ADGRL3: variants seen among roughly 807,000 people sequenced by gnomAD.
ADGRL3 encodes calcium-independent alpha-latrotoxin receptor 3.
A neutral mutation model predicts 153.5 loss-of-function variants in ADGRL3; 62 were observed. The observed-to-expected ratio is 0.40, with a 90% CI of 0.33 to 0.50. ADGRL3 has a LOEUF of 0.50. Ranked by LOEUF, ADGRL3 falls within the 20% of genes least tolerant of loss-of-function variation. The probability of loss-of-function intolerance (pLI) is 0.47; values close to 1 mark genes in which losing one functional copy is unlikely to be tolerated. For synonymous variants in ADGRL3, 710 were observed against 672.5 expected, an observed-to-expected ratio of 1.06 and a Z score of -0.86; for missense variants, 1,641 against 1,859.4, an observed-to-expected ratio of 0.88 and a Z score of 2.16.
intron 5 of ADGRL3, among the ~76,000 whole-genome samples, chr4:61,602,499 G>A (rs373636849): frequency 1.3e-5 from 2 of 152,210 alleles, no homozygotes; most frequent in Middle Eastern, 3.4e-3. Context: ...ATCCTGTAAC[G>A]TACAGAAAGC....
intron 1 of ADGRL3, among the ~76,000 whole-genome samples, chr4:61,247,483 A>AT (rs1218417202): frequency 6.6e-6 from 1 of 152,040 alleles, no homozygotes; most frequent in Non-Finnish European, 1.5e-5. Flanking sequence ...ATTGGTTGTG[A>AT]TGGTAGTTAG....
At position 61,479,021 on chromosome 4, in the gene ADGRL3, T is replaced by C. The variant is rs532207697; in HGVS notation, c.-173-18100T>C. ...AATTGATAGGCATTAAAGCTATACT[T>C]CAGCTGAACTGACAGGTGAACTGTC... On this transcript the variant is annotated intron_variant, in intron 2 of 26. Coordinates refer to ENST00000683033, the MANE Select transcript of ADGRL3 (RefSeq NM_001387552.1). Among the ~76,000 whole-genome samples the C allele has an allele frequency of 2.4e-4, 37 of 152,196 alleles. No individual in the cohort carries two copies. In the South Asian group the frequency reaches 7.7e-3, roughly 32 times the overall value.
chr4:61,281,696 T>C (rs1382287667), intron 1 of ADGRL3, among the ~76,000 whole-genome samples: 1 of 152,126 alleles, frequency 6.6e-6, no homozygotes, highest in African/African-American at 2.4e-5. Flanking sequence ...ATTTCGTTAT[T>C]AGATCCAGGA....
chr4:61,533,656 T>G (rs888482689), intron 4 of ADGRL3, among the ~76,000 whole-genome samples: 2 of 152,172 alleles, frequency 1.3e-5, no homozygotes, highest in African/African-American at 4.8e-5. Flanking sequence ...GTAAAATGGT[T>G]AGGTTGTCTA....
chr4:61,263,173 C>T (rs1026995307), intron 1 of ADGRL3, among the ~76,000 whole-genome samples: 5 of 151,796 alleles, frequency 3.3e-5, no homozygotes, highest in Admixed American at 6.6e-5. Flanking sequence ...TTCAAATTTA[C>T]GTTTTGCTGT....
chr4:61,723,079 C>T (rs2096268031), intron 6 of ADGRL3, among the ~76,000 whole-genome samples: 1 of 152,132 alleles, frequency 6.6e-6, no homozygotes, highest in African/African-American at 2.4e-5. Flanking sequence ...ACTGTTATGC[C>T]TTGTGTTTCT....
intron 8 of ADGRL3, among the ~76,000 whole-genome samples, chr4:61,782,042 T>C (rs976864108): frequency 6.6e-6 from 1 of 152,208 alleles, no homozygotes; most frequent in African/African-American, 2.4e-5. Flanking sequence ...TTGATCTTTT[T>C]AAATTACAAA....
At chr4:61,529,526 C>A (rs1038263693) in intron 4 of ADGRL3, among the ~76,000 whole-genome samples, 2 of 152,082 alleles carry the variant, frequency 1.3e-5, no homozygotes, top group Non-Finnish European at 2.9e-5. Flanking sequence ...TGGTTATAAT[C>A]CAACATCTGC....
intron 24 of ADGRL3, among the ~76,000 whole-genome samples, chr4:62,042,465 G>A (rs1235321964): frequency 6.6e-6 from 1 of 151,762 alleles, no homozygotes; most frequent in Non-Finnish European, 1.5e-5. Context: ...ACCTGTATCT[G>A]GAGAAGAGCA....
chr4:61,749,882 TAAAAATAAAG>T (rs2096729562), intron 8 of ADGRL3, among the ~76,000 whole-genome samples: 1 of 148,416 alleles, frequency 6.7e-6, no homozygotes, highest in South Asian at 2.1e-4. Flanking sequence ...AAAATAAGAA[TAAAAATAAAG>T]AAAAAGACAA....
intron 1 of ADGRL3, among the ~76,000 whole-genome samples, chr4:61,234,054 A>G (rs1472884614): frequency 2.0e-5 from 3 of 152,126 alleles, no homozygotes; most frequent in East Asian, 1.9e-4. Flanking sequence ...CTACAAGTGG[A>G]TATAGGCTGG....
intron 1 of ADGRL3, among the ~76,000 whole-genome samples, chr4:61,249,919 C>T (rs192429045): frequency 2.0e-5 from 3 of 152,238 alleles, no homozygotes; most frequent in African/African-American, 7.2e-5. Flanking sequence ...ATTCTCATTT[C>T]CCTTACCATT....
Position 62,070,497 on chromosome 4 carries a change from A to T in ADGRL3, c.4221A>T (p.Arg1407Ser). The change falls in exon 27 of 27, where the codon AGA (arginine) becomes AGT (serine). Residue 1407 changes from arginine (R) to serine (S), a missense_variant. Transcript: ENST00000683033. ...EESDAPLLPP[R>S]VYSTENHQPH... ...CTGATGCTCCTTTGCTGCCCCCAAGAGTATACTCCACCGAGAACCACCAGC... is the reference window on the plus strand; with the variant it reads ...CTGATGCTCCTTTGCTGCCCCCAAGTGTATACTCCACCGAGAACCACCAGC... 6.5e-7 allele frequency: 1 copy of T among 1,546,424 alleles called. No individual in the cohort carries two copies. Among genetic ancestry groups the T allele is most frequent in the South Asian group, 1.2e-5 (1 of 83,706 alleles).
At chr4:61,483,369 T>A (rs1211208067) in intron 2 of ADGRL3, among the ~76,000 whole-genome samples, 1 of 152,200 alleles carries the variant, frequency 6.6e-6, no homozygotes, top group Non-Finnish European at 1.5e-5. Context: ...GTATACAAAA[T>A]GTATATACAT....
chr4:61,317,629 T>C (rs748712612), intron 1 of ADGRL3, among the ~76,000 whole-genome samples: 30 of 152,110 alleles, frequency 2.0e-4, no homozygotes, highest in Non-Finnish European at 4.4e-5. Flanking sequence ...GAATGAGTTG[T>C]GAAATGTGAA....
intron 9 of ADGRL3, among the ~76,000 whole-genome samples, chr4:61,869,200 T>C (rs1044858340): frequency 6.6e-6 from 1 of 152,214 alleles, no homozygotes; most frequent in Non-Finnish European, 1.5e-5. Flanking sequence ...TACCTTGGTC[T>C]CCCAATGTGC....
chr4:61,321,182 G>C (rs1006748112), intron 1 of ADGRL3, among the ~76,000 whole-genome samples: 4 of 152,078 alleles, frequency 2.6e-5, no homozygotes, highest in African/African-American at 9.7e-5. Context: ...AATAAGCTCT[G>C]AGCTTTAGGG....
chr4:61,705,981 T>A (rs1580372954), intron 6 of ADGRL3, among the ~76,000 whole-genome samples: 4 of 152,254 alleles, frequency 2.6e-5, no homozygotes, highest in Admixed American at 6.5e-5. Context: ...CACTAGGATT[T>A]TTAGAATGGT....
rs527911701 is a variant in ADGRL3, at chr4:61,457,954, T to C, written c.-173-39167T>C. On this transcript the variant is annotated intron_variant, in intron 2 of 26. Transcript: ENST00000683033. The stretch of plus-strand genomic sequence containing the variant: ...ATCTTGAAAAGTGAAGAAACAACCA[T>C]TGATTTTTAAAGTTTCTTCGAAATC... Among the ~76,000 whole-genome samples, 23 of 151,950 alleles carry C rather than the reference T, an allele frequency of 1.5e-4. 1 individual carries two copies. Among genetic ancestry groups the C allele is most frequent in the African/African-American group, 5.5e-4 (23 of 41,558 alleles).
Sources: gnomAD v4.1 joint callset for allele counts (sites outside exome capture counted in the v4.1 genomes callset) on GRCh38, gnomAD v4.1.1 for gene constraint, MANE v1.5 for transcripts, NCBI Gene and HGNC (gene_info 2026-07-23, HGNC 2026-07-21) for gene names.